Variants in MACROD2 observed in about 807,000 individuals in gnomAD.
MACROD2 encodes mono-ADP ribosylhydrolase 2.
Under a neutral mutation model 70.4 loss-of-function variants are expected in MACROD2, and 36 were observed. That is an observed-to-expected ratio of 0.51 (90% confidence interval 0.39 to 0.68). MACROD2 has a LOEUF of 0.68. Among genes scored for constraint, MACROD2 ranks in the 30% least tolerant of loss-of-function variants. The probability of loss-of-function intolerance (pLI) is 0.00; values close to 1 mark genes in which losing one functional copy is unlikely to be tolerated. For missense variants in MACROD2, 496 were observed against 538.4 expected (o/e 0.92, Z 0.78); for synonymous variants, 172 against 178.8 (o/e 0.96, Z 0.30).
intron 3 of MACROD2, among the ~76,000 whole-genome samples, chr20:14,389,355 G>A (rs1027796097): frequency 6.6e-6 from 1 of 150,450 alleles, no homozygotes; most frequent in Non-Finnish European, 1.5e-5. Flanking sequence ...CCGGCAGGCG[G>A]AGGTTGCAGT....
chr20:14,282,511 G>T lies in MACROD2; in HGVS notation c.271+196783G>T, dbSNP rs542265885. Among the ~76,000 whole-genome samples the T allele has an allele frequency of 3.9e-5, 6 of 152,276 alleles. No homozygotes were observed. In the East Asian group the frequency reaches 1.2e-3, roughly 29 times the overall value. ...GGTGGATTCCAAAATGAAATGTTCC[G>T]TGAGAAAGTGAGAAAGTTGAAGCTA... On this transcript the variant is annotated intron_variant, in intron 3 of 17. Transcript: ENST00000684519.
At chr20:14,216,869 A>G (rs1384007759) in intron 3 of MACROD2, among the ~76,000 whole-genome samples, 5 of 152,034 alleles carry the variant, frequency 3.3e-5, no homozygotes, top group African/African-American at 1.2e-4. Flanking sequence ...GTATCTGGAA[A>G]ATTTGCTGAA....
chr20:15,206,081 T>TGC (rs1289242989), intron 5 of MACROD2, among the ~76,000 whole-genome samples: 1 of 152,196 alleles, frequency 6.6e-6, no homozygotes, highest in East Asian at 1.9e-4. Flanking sequence ...TGTGTGTGTG[T>TGC]GATGACAAGC....
intron 5 of MACROD2, among the ~76,000 whole-genome samples, chr20:14,898,773 T>A (rs2073860713): frequency 6.6e-6 from 1 of 152,098 alleles, no homozygotes; most frequent in Non-Finnish European, 1.5e-5. Flanking sequence ...GCAGAAACCT[T>A]TAGCTGGCTG....
At chr20:14,830,045 T>TTATC (rs2122232503) in intron 5 of MACROD2, among the ~76,000 whole-genome samples, 2 of 152,294 alleles carry the variant, frequency 1.3e-5, no homozygotes, top group South Asian at 4.1e-4. Flanking sequence ...TTTGGTTTCT[T>TTATC]TATCCAAAGA....
intron 6 of MACROD2, among the ~76,000 whole-genome samples, chr20:15,388,841 C>A (rs973042461): frequency 6.6e-6 from 1 of 152,060 alleles, no homozygotes; most frequent in African/African-American, 2.4e-5. Context: ...GGATGAGTCC[C>A]TGAGGAACAA....
intron 3 of MACROD2, among the ~76,000 whole-genome samples, chr20:14,359,978 A>G (rs546946184): frequency 4.1e-4 from 62 of 152,348 alleles, no homozygotes; most frequent in African/African-American, 1.4e-3. Context: ...GGAGAACGTT[A>G]TCTTAAATGA....
chr20:14,571,226 C>T (rs1432947739), intron 4 of MACROD2, among the ~76,000 whole-genome samples: 2 of 152,004 alleles, frequency 1.3e-5, no homozygotes, highest in Non-Finnish European at 2.9e-5. Context: ...CCTTTCATGA[C>T]TGGGCTGGTT....
intron 5 of MACROD2, among the ~76,000 whole-genome samples, chr20:14,980,981 C>T (rs1047945996): frequency 1.3e-5 from 2 of 152,066 alleles, no homozygotes; most frequent in Admixed American, 6.6e-5. Context: ...CTTCTCCTCT[C>T]TCATCCAGAG....
chr20:15,911,909 G>A (rs561328979), intron 10 of MACROD2, among the ~76,000 whole-genome samples: 1 of 152,318 alleles, frequency 6.6e-6, no homozygotes, highest in South Asian at 2.1e-4. Context: ...AGGAGGCTGA[G>A]GCAGGAGAAT....
At chr20:15,258,698 TA>T (rs2077221962) in intron 6 of MACROD2, among the ~76,000 whole-genome samples, 1 of 151,992 alleles carries the variant, frequency 6.6e-6, no homozygotes, top group African/African-American at 2.4e-5. Flanking sequence ...TGATGACAGG[TA>T]AAAAGGTTGA....
intron 3 of MACROD2, among the ~76,000 whole-genome samples, chr20:14,279,501 G>T (rs2122397582): frequency 6.6e-6 from 1 of 152,094 alleles, no homozygotes; most frequent in South Asian, 2.1e-4. Flanking sequence ...GCAATATACA[G>T]ATTCCCTGTA....
intron 2 of MACROD2, among the ~76,000 whole-genome samples, chr20:14,042,895 C>T (rs1438237180): frequency 5.3e-5 from 8 of 151,316 alleles, no homozygotes; most frequent in Non-Finnish European, 1.0e-4. Context: ...ACTCCTGATA[C>T]CAGTTGCAAA....
intron 10 of MACROD2, among the ~76,000 whole-genome samples, chr20:15,912,396 C>T (rs1368540602): frequency 2.0e-5 from 3 of 152,170 alleles, no homozygotes. Flanking sequence ...TAGTGCCTTG[C>T]AGTGTTGTTT....
chr20:15,321,264 A>G (rs1215651568), intron 6 of MACROD2, among the ~76,000 whole-genome samples: 1 of 143,728 alleles, frequency 7.0e-6, no homozygotes, highest in Non-Finnish European at 1.6e-5. Context: ...TAGTTTCCCA[A>G]TGTCTAACTT....
intron 5 of MACROD2, among the ~76,000 whole-genome samples, chr20:14,938,940 A>ATTT (rs1230863391): frequency 5.2e-4 from 45 of 86,450 alleles, no homozygotes; most frequent in South Asian, 1.1e-3. Context: ...GTTAAATCAG[A>ATTT]TTTTTTTTTT....
chr20:14,381,299 G>T (rs1817505060), intron 3 of MACROD2, among the ~76,000 whole-genome samples: 1 of 152,002 alleles, frequency 6.6e-6, no homozygotes, highest in South Asian at 2.1e-4. Context: ...ACTGTATTTT[G>T]GTTTATTTCC....
At chr20:14,313,963 AG>A (rs2122526354) in intron 3 of MACROD2, among the ~76,000 whole-genome samples, 1 of 152,334 alleles carries the variant, frequency 6.6e-6, no homozygotes, top group South Asian at 2.1e-4. Context: ...TCCCAATAAA[AG>A]TGATTCTAAT....
At chr20:14,240,120 T>C (rs1601389355) in intron 3 of MACROD2, among the ~76,000 whole-genome samples, 5 of 152,090 alleles carry the variant, frequency 3.3e-5, no homozygotes, top group Non-Finnish European at 1.5e-5. Flanking sequence ...GAAACAATAA[T>C]CAACAACCAC....
Sources: allele counts gnomAD v4.1 joint callset (sites outside exome capture counted in the v4.1 genomes callset), GRCh38; gene constraint gnomAD v4.1.1; transcripts MANE v1.5; gene names NCBI Gene and HGNC (gene_info 2026-07-23, HGNC 2026-07-21).